Variants in SYNDIG1 observed in about 807,000 individuals in gnomAD.
SYNDIG1 encodes the protein synapse differentiation inducing 1, also known as synapse differentiation-inducing gene protein 1.
Under a neutral mutation model 19.4 loss-of-function variants are expected in SYNDIG1, and 9 were observed. The observed-to-expected ratio is 0.46, with a 90% CI of 0.28 to 0.81. The LOEUF (loss-of-function observed/expected upper bound fraction) is 0.81, where lower values mean the gene tolerates loss of function less well. Among genes scored for constraint, SYNDIG1 ranks in the 30% least tolerant of loss-of-function variants. The pLI is 0.12. For missense variants in SYNDIG1, 311 were observed against 343.3 expected, an observed-to-expected ratio of 0.91 and a Z score of 0.74; for synonymous variants, 141 against 145.9, an observed-to-expected ratio of 0.97 and a Z score of 0.24.
chr20:24,575,124 T>G (rs2058207115), intron 2 of SYNDIG1, among the ~76,000 whole-genome samples: 1 of 152,240 alleles, frequency 6.6e-6, no homozygotes, highest in African/African-American at 2.4e-5. Flanking sequence ...ACAAGGGCTT[T>G]CTTCCCAAAG....
chr20:24,490,710 T>C (rs543839332), intron 1 of SYNDIG1, among the ~76,000 whole-genome samples: 1 of 152,292 alleles, frequency 6.6e-6, no homozygotes, highest in East Asian at 1.9e-4. Context: ...TAGGACTCCT[T>C]ATGTGGGGCC....
intron 1 of SYNDIG1, among the ~76,000 whole-genome samples, chr20:24,525,996 T>C (rs1227212874): frequency 6.6e-6 from 1 of 152,194 alleles, no homozygotes; most frequent in African/African-American, 2.4e-5. Context: ...TACTTTCTAC[T>C]CCTTAATATC....
chr20:24,659,501 T>G (rs1297239566), intron 3 of SYNDIG1, among the ~76,000 whole-genome samples: 1 of 152,212 alleles, frequency 6.6e-6, no homozygotes, highest in East Asian at 1.9e-4. Flanking sequence ...TCCTGAGTGC[T>G]GGGTGGAGAC....
At chr20:24,620,433 T>C (rs2059020786) in intron 3 of SYNDIG1, among the ~76,000 whole-genome samples, 1 of 152,210 alleles carries the variant, frequency 6.6e-6, no homozygotes. Flanking sequence ...GCAGGGACTT[T>C]AAACAAGCCA....
intron 1 of SYNDIG1, among the ~76,000 whole-genome samples, chr20:24,529,740 A>G (rs1341917935): frequency 6.8e-6 from 1 of 148,134 alleles, no homozygotes; most frequent in Non-Finnish European, 1.5e-5. Flanking sequence ...AGTGGGGATG[A>G]TGGTGGTAAT....
chr20:24,634,513 C>G (rs768866723), intron 3 of SYNDIG1, among the ~76,000 whole-genome samples: 1 of 152,170 alleles, frequency 6.6e-6, no homozygotes, highest in Non-Finnish European at 1.5e-5. Context: ...AATGTGAATG[C>G]CTGTCTTTCC....
intron 3 of SYNDIG1, among the ~76,000 whole-genome samples, chr20:24,606,149 G>A (rs1243338947): frequency 2.6e-4 from 39 of 152,344 alleles, no homozygotes; most frequent in Non-Finnish European, 1.5e-5. Context: ...CCAACAATGT[G>A]CTGGTTGATC....
chr20:24,654,586 G>A (rs2059503806), intron 3 of SYNDIG1, among the ~76,000 whole-genome samples: 1 of 145,912 alleles, frequency 6.9e-6, no homozygotes, highest in African/African-American at 2.5e-5. Context: ...CAAGAGAAAG[G>A]AAGACAGAGA....
At chr20:24,605,051 A>G (rs545741476) in intron 3 of SYNDIG1, among the ~76,000 whole-genome samples, 64 of 152,302 alleles carry the variant, frequency 4.2e-4, no homozygotes, top group African/African-American at 1.5e-3. Context: ...GGTCATGGGC[A>G]GGTAGTTGGG....
chr20:24,487,740 T>A (rs2056008837), intron 1 of SYNDIG1, among the ~76,000 whole-genome samples: 1 of 152,170 alleles, frequency 6.6e-6, no homozygotes, highest in African/African-American at 2.4e-5. Flanking sequence ...CTGCAACACT[T>A]CCTCTCATCC....
intron 3 of SYNDIG1, among the ~76,000 whole-genome samples, chr20:24,640,473 AGAAGGAAGGAAG>A (rs201004570): frequency 0.17 from 17,067 of 100,362 alleles, 1,484 homozygotes; most frequent in South Asian, 0.23. Context: ...AGGGAGGGAA[AGAAGGAAGGAAG>A]GAAGGAAGGA....
At chr20:24,531,377 G>A (rs1382237879) in intron 1 of SYNDIG1, among the ~76,000 whole-genome samples, 1 of 152,164 alleles carries the variant, frequency 6.6e-6, no homozygotes, top group Admixed American at 6.5e-5. Flanking sequence ...GTATGTTTAA[G>A]AAAGGGAGAT....
intron 3 of SYNDIG1, among the ~76,000 whole-genome samples, chr20:24,585,968 C>A (rs2147040279): frequency 6.6e-6 from 1 of 152,344 alleles, no homozygotes; most frequent in Non-Finnish European, 1.5e-5. Context: ...AAACAGATTT[C>A]CTGGCTGAGC....
rs114930459 is a variant in SYNDIG1 at position 24,478,252 on chromosome 20, G to A, written c.-79+8499G>A. Among the ~76,000 whole-genome samples the A allele has an allele frequency of 2.9e-3, 436 of 152,368 alleles. 3 individuals carry two copies. The highest frequency in any genetic ancestry group is 0.01 in the African/African-American group (416 of 41,594). On this transcript the variant is annotated intron_variant, in intron 1 of 3. Coordinates refer to ENST00000376862, the MANE Select transcript of SYNDIG1 (RefSeq NM_024893.3). ...CAGCTTCAACCATTGGTGCCTTATT[G>A]CTTCGGTGTCTGTCTCAGGGACCAG...
chr20:24,613,715 C>T (rs956665747), intron 3 of SYNDIG1, among the ~76,000 whole-genome samples: 2 of 152,184 alleles, frequency 1.3e-5, no homozygotes, highest in Non-Finnish European at 2.9e-5. Context: ...ACGGCCGCGC[C>T]CCTGCAGCTC....
At chr20:24,655,199 G>T (rs1223077872) in intron 3 of SYNDIG1, among the ~76,000 whole-genome samples, 1 of 152,216 alleles carries the variant, frequency 6.6e-6, no homozygotes, top group Non-Finnish European at 1.5e-5. Context: ...GGAATTAATA[G>T]ATTATCTGAT....
intron 3 of SYNDIG1, among the ~76,000 whole-genome samples, chr20:24,645,631 C>A (rs1232263244): frequency 1.3e-5 from 2 of 152,332 alleles, no homozygotes; most frequent in Admixed American, 6.5e-5. Context: ...ACTGTCTGGA[C>A]CAGCAGATGA....
intron 3 of SYNDIG1, among the ~76,000 whole-genome samples, chr20:24,589,818 G>A (rs2058477856): frequency 6.6e-6 from 1 of 152,290 alleles, no homozygotes; most frequent in African/African-American, 2.4e-5. Context: ...AAGGGAATTG[G>A]GCAAACTAGG....
intron 1 of SYNDIG1, among the ~76,000 whole-genome samples, chr20:24,537,168 A>T (rs137990166): frequency 6.6e-6 from 1 of 152,198 alleles, no homozygotes; most frequent in East Asian, 1.9e-4. Flanking sequence ...CTGCTTCCTA[A>T]ACACTACCTA....
Sources: allele counts gnomAD v4.1 joint callset (sites outside exome capture counted in the v4.1 genomes callset), GRCh38; gene constraint gnomAD v4.1.1; transcripts MANE v1.5; gene names NCBI Gene and HGNC (gene_info 2026-07-23, HGNC 2026-07-21).